AUTS2: variants seen among roughly 807,000 people sequenced by gnomAD.
AUTS2 encodes autism susceptibility gene 2 protein.
A neutral mutation model predicts 112.4 loss-of-function variants in AUTS2; 17 were observed. The ratio of observed to expected loss-of-function variants is 0.15; its 90% confidence interval spans 0.10 to 0.23. AUTS2 has a LOEUF of 0.23. AUTS2 is among the 10% of genes least tolerant of loss of function. The pLI, the probability that AUTS2 is intolerant of heterozygous loss-of-function variation, is 1.00. For missense variants in AUTS2, 1,510 were observed against 1,701.6 expected, an observed-to-expected ratio of 0.89 and a Z score of 1.98; for synonymous variants, 751 against 702.7, an observed-to-expected ratio of 1.07 and a Z score of -1.09.
At chr7:70,595,692 A>C (rs1269257457) in intron 5 of AUTS2, among the ~76,000 whole-genome samples, 1 of 152,162 alleles carries the variant, frequency 6.6e-6, no homozygotes, top group Non-Finnish European at 1.5e-5. Flanking sequence ...TGTAACATGA[A>C]GTTGGAGTAG....
chr7:70,506,665 A>G (rs992754453), intron 5 of AUTS2, among the ~76,000 whole-genome samples: 3 of 152,204 alleles, frequency 2.0e-5, no homozygotes, highest in South Asian at 2.1e-4. Flanking sequence ...TACACCATCT[A>G]TCTCTGGAGA....
At chr7:70,043,389 G>C (rs1196594757) in intron 2 of AUTS2, among the ~76,000 whole-genome samples, 1 of 151,776 alleles carries the variant, frequency 6.6e-6, no homozygotes, top group African/African-American at 2.4e-5. Context: ...GATTTCATAA[G>C]GCTGCTTCTC....
At chr7:70,610,149 C>T (rs1264810063) in intron 5 of AUTS2, among the ~76,000 whole-genome samples, 1 of 152,092 alleles carries the variant, frequency 6.6e-6, no homozygotes, top group Admixed American at 6.6e-5. Flanking sequence ...CAGGCATGTG[C>T]CACTGTGCCC....
chr7:69,834,022 A>G (rs1489371774), intron 1 of AUTS2, among the ~76,000 whole-genome samples: 5 of 152,136 alleles, frequency 3.3e-5, no homozygotes, highest in African/African-American at 1.2e-4. Flanking sequence ...ATGGGCAGCT[A>G]GGTCATGAAC....
In AUTS2 at chr7:70,790,185, A is replaced by G. The variant is rs759486465; in HGVS notation, c.2969A>G (p.His990Arg). Reference protein sequence around the residue: ...VKVKEERKEDHDLPPEAPQTH... With the variant: ...VKVKEERKEDRDLPPEAPQTH... ...GTGAAGGAGGAGCGGAAGGAAGACC[A>G]TGACCTGCCTCCAGAGGCCCCGCAG... is the stretch of plus-strand genomic sequence containing the variant. Residue 990 changes from histidine (H) to arginine (R), a missense_variant, in exon 19 of 19, where the codon CAT becomes CGT. This residue lies in a region of AUTS2 where 788 missense variants were observed against 797.6 expected (regional missense o/e 0.99). Coordinates refer to ENST00000342771, the MANE Select transcript of AUTS2 (RefSeq NM_015570.4). This position sits in a 1 kb window ranked among gnomAD's most constrained non-coding sequence, Gnocchi z 7.6. 5 of 1,612,294 alleles carry G rather than the reference A, an allele frequency of 3.1e-6. No individual in the cohort carries two copies. In the South Asian group the frequency reaches 5.5e-5, roughly 18 times the overall value.
At chr7:70,765,058 T>C in intron 8 of AUTS2, 53 bp downstream of exon 8, 5 of 1,602,380 alleles carry the variant, frequency 3.1e-6, no homozygotes, top group Non-Finnish European at 4.3e-6. Context: ...CCCCTCGCTG[T>C]GACCTCACCC....
At chr7:70,502,831 G>A (rs1798819669) in intron 5 of AUTS2, among the ~76,000 whole-genome samples, 1 of 152,174 alleles carries the variant, frequency 6.6e-6, no homozygotes, top group African/African-American at 2.4e-5. Context: ...GTGTTTTACA[G>A]GTGAAGACTT....
In AUTS2 at chr7:70,455,080, G is replaced by C. The variant is rs188371272; in HGVS notation, c.690+19299G>C. On this transcript the variant is annotated intron_variant, in intron 5 of 18. Transcript: ENST00000342771. ...GACTTCCACATACCCATGTGTTGTTGTTGTTTGTTTGTTTATGTTCGTTTG... is the reference window on the plus strand; with the variant it reads ...GACTTCCACATACCCATGTGTTGTTCTTGTTTGTTTGTTTATGTTCGTTTG... Among the ~76,000 whole-genome samples the C allele has an allele frequency of 4.6e-5, 7 of 152,260 alleles. No individual in the cohort carries two copies. In the East Asian group the frequency reaches 1.4e-3, roughly 29 times the overall value.
chr7:70,003,292 A>T (rs964758179), intron 2 of AUTS2, among the ~76,000 whole-genome samples: 1 of 132,608 alleles, frequency 7.5e-6, no homozygotes, highest in Non-Finnish European at 1.5e-5. Context: ...TATATATTAT[A>T]TATGAATATA....
At chr7:70,332,444 C>T (rs1330860748) in intron 4 of AUTS2, among the ~76,000 whole-genome samples, 2 of 152,078 alleles carry the variant, frequency 1.3e-5, no homozygotes, top group Admixed American at 6.5e-5. Context: ...ACTTTCTTCA[C>T]AGAATTAGAA....
At chr7:69,851,601 C>A (rs1276819455) in intron 1 of AUTS2, among the ~76,000 whole-genome samples, 1 of 152,188 alleles carries the variant, frequency 6.6e-6, no homozygotes, top group Non-Finnish European at 1.5e-5. Context: ...CTTTGCTATA[C>A]TGAACTTTCC....
At chr7:70,394,050 T>C (rs930545706) in intron 4 of AUTS2, among the ~76,000 whole-genome samples, 11 of 152,230 alleles carry the variant, frequency 7.2e-5, no homozygotes, top group African/African-American at 2.7e-4. Flanking sequence ...GCTGTCTCCC[T>C]GAAGGTTTTA....
chr7:69,962,123 C>T (rs1797454727), intron 2 of AUTS2, among the ~76,000 whole-genome samples: 1 of 152,070 alleles, frequency 6.6e-6, no homozygotes, highest in African/African-American at 2.4e-5. Context: ...TTTATAGAGG[C>T]GGTTCTCATC....
At chr7:69,698,337 A>G (rs1417438831) in intron 1 of AUTS2, among the ~76,000 whole-genome samples, 1 of 152,128 alleles carries the variant, frequency 6.6e-6, no homozygotes, top group Non-Finnish European at 1.5e-5. Context: ...TTGATTGCTC[A>G]TTTCTAGTCT....
intron 6 of AUTS2, among the ~76,000 whole-genome samples, chr7:70,710,672 G>A (rs73706420): frequency 6.6e-6 from 1 of 152,326 alleles, no homozygotes; most frequent in African/African-American, 2.4e-5. Flanking sequence ...GGGAGAGGCT[G>A]AACTAATTTG....
chr7:70,321,181 C>T (rs990533552), intron 4 of AUTS2, among the ~76,000 whole-genome samples: 1 of 152,260 alleles, frequency 6.6e-6, no homozygotes, highest in African/African-American at 2.4e-5. Flanking sequence ...GAAGAGGTCA[C>T]CCAGCTAGTA....
chr7:69,818,400 C>T (rs895089909), intron 1 of AUTS2, among the ~76,000 whole-genome samples: 12 of 151,980 alleles, frequency 7.9e-5, no homozygotes, highest in Non-Finnish European at 1.0e-4. Context: ...TTGATTGACC[C>T]GAGATTGTAT....
chr7:69,833,821 T>C (rs1354209798), intron 1 of AUTS2, among the ~76,000 whole-genome samples: 1 of 152,184 alleles, frequency 6.6e-6, no homozygotes, highest in Non-Finnish European at 1.5e-5. Flanking sequence ...TTCCGATAAG[T>C]GTATTACATT....
At chr7:70,784,548 T>C (rs1292964904) in intron 15 of AUTS2, 3 of 178,086 alleles carry the variant, frequency 1.7e-5, no homozygotes, top group Non-Finnish European at 3.5e-5. Flanking sequence ...GTAAAGAAAC[T>C]TGCTTAGCTT....
Sources: allele counts gnomAD v4.1 joint callset (sites outside exome capture counted in the v4.1 genomes callset), GRCh38; gene constraint gnomAD v4.1.1; regional missense constraint gnomAD v4.1.1; non-coding constraint Gnocchi (gnomAD v3.1); transcripts MANE v1.5; gene names NCBI Gene and HGNC (gene_info 2026-07-23, HGNC 2026-07-21).